The following C4BPA variants were observed in gnomAD, a reference collection of about 807,000 sequenced individuals.
C4BPA encodes complement component 4 binding protein alpha, also known as C4b-binding protein alpha chain.
A neutral mutation model predicts 63.7 loss-of-function variants in C4BPA; 31 were observed. The observed-to-expected ratio is 0.49, with a 90% CI of 0.37 to 0.66. The LOEUF (loss-of-function observed/expected upper bound fraction) is 0.66. C4BPA is among the 30% of genes least tolerant of loss of function. The pLI is 0.00. For synonymous variants in C4BPA, 259 were observed against 254.7 expected (o/e 1.02, Z -0.16); for missense variants, 572 against 723.3 (o/e 0.79, Z 2.40).
intron 9 of C4BPA, among the ~76,000 whole-genome samples, chr1:207,140,305 T>C (rs1447372355): frequency 6.6e-6 from 1 of 152,340 alleles, no homozygotes; most frequent in Admixed American, 6.5e-5. Context: ...TGTACACAAA[T>C]GTCCACTCCA....
At chr1:207,108,296 A>T (rs1215624152) in intron 1 of C4BPA, among the ~76,000 whole-genome samples, 1 of 152,170 alleles carries the variant, frequency 6.6e-6, no homozygotes, top group Admixed American at 6.5e-5. Context: ...GTTTATTTAA[A>T]TATTATTCCA....
chr1:207,108,805 C>T (rs371168413), intron 1 of C4BPA, among the ~76,000 whole-genome samples: 48 of 152,078 alleles, frequency 3.2e-4, no homozygotes, highest in Middle Eastern at 6.8e-3. Flanking sequence ...TCACTGTAAC[C>T]TTTGCCTCCC....
chr1:207,114,029 C>A, intron 2 of C4BPA, 71 bp from the exon 3 acceptor site: 1 of 1,299,294 alleles, frequency 7.7e-7, no homozygotes, highest in Non-Finnish European at 1.1e-6. Flanking sequence ...CTAAACATCA[C>A]ACTTCAGAAA....
At chr1:207,109,976 C>T (rs751722938) in intron 1 of C4BPA, among the ~76,000 whole-genome samples, 5 of 152,200 alleles carry the variant, frequency 3.3e-5, no homozygotes, top group African/African-American at 9.7e-5. Context: ...TTGGAACACA[C>T]GTTATCACTA....
intron 1 of C4BPA, among the ~76,000 whole-genome samples, chr1:207,108,021 G>A (rs1684593675): frequency 6.6e-6 from 1 of 152,200 alleles, no homozygotes; most frequent in African/African-American, 2.4e-5. Context: ...TAGTGTTGGA[G>A]GAACATAGTG....
intron 8 of C4BPA, among the ~76,000 whole-genome samples, chr1:207,132,531 T>C (rs1308789893): frequency 6.6e-6 from 1 of 152,240 alleles, no homozygotes; most frequent in Non-Finnish European, 1.5e-5. Context: ...AGTGGTAGTT[T>C]AGATCAACCT....
chr1:207,131,193 A>G (rs919507972), intron 7 of C4BPA, among the ~76,000 whole-genome samples: 18 of 152,212 alleles, frequency 1.2e-4, no homozygotes, highest in African/African-American at 4.3e-4. Flanking sequence ...ATTTTCCCCA[A>G]TCAATCAGTA....
intron 9 of C4BPA, among the ~76,000 whole-genome samples, chr1:207,137,810 G>A (rs563298258): frequency 3.3e-5 from 5 of 152,258 alleles, no homozygotes; most frequent in East Asian, 3.9e-4. Context: ...TAGAGACAGC[G>A]TTTCACCATG....
chr1:207,136,011 T>A (rs2102357858), intron 9 of C4BPA, among the ~76,000 whole-genome samples: 1 of 152,330 alleles, frequency 6.6e-6, no homozygotes, highest in Admixed American at 6.5e-5. Context: ...GGCAAACCCA[T>A]GCCTGCAATA....
chr1:207,140,643 T>C lies in C4BPA; in HGVS notation c.1274-463T>C, dbSNP rs140549462. On this transcript the variant is annotated intron_variant, in intron 9 of 11. Coordinates refer to ENST00000367070, the MANE Select transcript of C4BPA (RefSeq NM_000715.4). ...CATTTATCCAATGAGCTCTTTTCTA[T>C]AGTTTTTTAAAATGCAATATTTTCT... Among the ~76,000 whole-genome samples the C allele has an allele frequency of 3.9e-3, 599 of 152,326 alleles. 3 individuals carry two copies. Among genetic ancestry groups the C allele is most frequent in the African/African-American group, 0.014 (590 of 41,564 alleles).
chr1:207,127,234 T>C (rs1025779700), intron 7 of C4BPA: 1 of 161,902 alleles, frequency 6.2e-6, no homozygotes, highest in African/African-American at 2.4e-5. Context: ...AACAAAATCA[T>C]TATATTATTA....
At chr1:207,140,789 T>C (rs868671249) in intron 9 of C4BPA, among the ~76,000 whole-genome samples, 1 of 152,214 alleles carries the variant, frequency 6.6e-6, no homozygotes, top group African/African-American at 2.4e-5. Flanking sequence ...AGTGACTAAG[T>C]GTACTATGAG....
chr1:207,118,243 C>T (rs1684853756), intron 4 of C4BPA, among the ~76,000 whole-genome samples: 1 of 151,502 alleles, frequency 6.6e-6, no homozygotes, highest in Non-Finnish European at 1.5e-5. Flanking sequence ...ATCTATCTAT[C>T]TATCATCTAT....
At chr1:207,137,576 G>C (rs1454999935) in intron 9 of C4BPA, among the ~76,000 whole-genome samples, 1 of 150,542 alleles carries the variant, frequency 6.6e-6, no homozygotes, top group African/African-American at 2.5e-5. Flanking sequence ...TTATGATAAG[G>C]GGTTGTGGAG....
rs1685502215 is a variant in C4BPA at position 207,144,926 on chromosome 1, C to A, written c.*209C>A. 1 of 314,732 alleles carries A rather than the reference C, an allele frequency of 3.2e-6. No homozygotes were observed. The highest frequency in any genetic ancestry group is 5.7e-6 in the Non-Finnish European group (1 of 174,534). 19.5% of individuals were successfully genotyped at this position (314,732 alleles called of 1,614,324 possible). A position where few individuals can be genotyped will look rare whatever the true frequency, so the allele number is the denominator to read the frequency against. On this transcript the variant is annotated 3_prime_UTR_variant, in exon 12 of 12. Transcript: ENST00000367070. ...GCTCATGTTTTTGCTTTTCAACACA[C>A]AAAGCACAAATTTTTTTTCGATTAA...
At chr1:207,137,395 A>G (rs1427609196) in intron 9 of C4BPA, among the ~76,000 whole-genome samples, 1 of 152,170 alleles carries the variant, frequency 6.6e-6, no homozygotes, top group Non-Finnish European at 1.5e-5. Context: ...TTGCTTTTAT[A>G]CATTTTAGGG....
rs763385898 is a variant in C4BPA, at chr1:207,114,236, G to T, written c.279G>T (p.Thr93=). Residue 93 remains threonine, a synonymous_variant, in exon 3 of 12, where the codon ACG becomes ACT. Transcript: ENST00000367070. ...ACGTCAGATCCCATTCAACTCAGAC[G>T]CTTACCTGTAATTCTGATGGCGAAT... ...PGYVRSHSTQ[T]LTCNSDGEWV... is the part of the protein sequence containing the mutation. The T allele has an allele frequency of 6.2e-7, 1 of 1,613,414 alleles. No individual in the cohort carries two copies. Among genetic ancestry groups the T allele is most frequent in the African/African-American group, 1.3e-5 (1 of 74,842 alleles).
Position 207,131,739 on chromosome 1 carries a change from G to A in C4BPA, c.1083G>A (p.Glu361=). The A allele has an allele frequency of 6.2e-7, 1 of 1,603,940 alleles. No individual in the cohort carries two copies. Among genetic ancestry groups the A allele is most frequent in the Non-Finnish European group, 8.5e-7 (1 of 1,175,622 alleles). The change falls in exon 8 of 12, where the codon GAG becomes GAA. Residue 361 remains glutamate, a splice_region_variant and synonymous_variant. Transcript: ENST00000367070. The stretch of plus-strand genomic sequence containing the variant: ...GATGGACCCCATACCAAGGATGTGA[G>A]GGTGAGTTTTTGTTTTTTAATATTT... The part of the protein sequence containing the change: ...NLRWTPYQGC[E]ALCCPEPKLN...
chr1:207,126,710 T>C lies in C4BPA; in HGVS notation c.707-3T>C. ...CCACTTGTCTTTTCTCATGATTCTTTAGAAATCACCTGTCGCAAGCCAGAT... is the reference window on the plus strand; with the variant it reads ...CCACTTGTCTTTTCTCATGATTCTTCAGAAATCACCTGTCGCAAGCCAGAT... On this transcript the variant is annotated splice_region_variant and splice_polypyrimidine_tract_variant and intron_variant, in intron 6 of 11. Coordinates refer to ENST00000367070, the MANE Select transcript of C4BPA (RefSeq NM_000715.4). 6.2e-7 allele frequency: 1 copy of C among 1,604,598 alleles called. No homozygotes were observed. Among genetic ancestry groups the C allele is most frequent in the Non-Finnish European group, 8.5e-7 (1 of 1,174,068 alleles).
Sources: gnomAD v4.1 joint callset for allele counts (sites outside exome capture counted in the v4.1 genomes callset) on GRCh38, gnomAD v4.1.1 for gene constraint, MANE v1.5 for transcripts, NCBI Gene and HGNC (gene_info 2026-07-23, HGNC 2026-07-21) for gene names.